The following IRAG2 variants were observed in gnomAD, a reference collection of about 807,000 sequenced individuals.
The protein encoded by IRAG2 is lymphoid restricted membrane protein.
Under a neutral mutation model 69.9 loss-of-function variants are expected in IRAG2, and 45 were observed. That is an observed-to-expected ratio of 0.64 (90% CI 0.51 to 0.83). The LOEUF is 0.83. IRAG2 is among the 40% of genes least tolerant of loss of function. IRAG2 has a pLI of 0.00. For synonymous variants in IRAG2, 193 were observed against 202.4 expected (o/e 0.95, Z 0.40); for missense variants, 520 against 587.0 (o/e 0.89, Z 1.18).
chr12:25,033,673 C>T (rs971278055), intron 12 of IRAG2: 12 of 381,144 alleles, frequency 3.1e-5, no homozygotes, highest in Non-Finnish European at 5.6e-5. Context: ...CCAGTCTGTG[C>T]AGCTCCTGGA....
upstream of IRAG2, chr12:25,004,217 A>C (rs1021970049): frequency 3.1e-6 from 2 of 646,008 alleles, no homozygotes; most frequent in Non-Finnish European, 4.4e-6. Flanking sequence ...GATCCCGCCA[A>C]AGTTGATTTG....
At chr12:25,012,688 C>T (rs1965345) in intron 3 of IRAG2, among the ~76,000 whole-genome samples, 31,955 of 151,898 alleles carry the variant, frequency 0.21, 3,893 homozygotes, top group South Asian at 0.41. Context: ...ATTAGCTGGG[C>T]GTGGTGGTTC....
upstream of IRAG2, among the ~76,000 whole-genome samples, chr12:25,047,903 A>C (rs1944810547): frequency 6.6e-6 from 1 of 152,156 alleles, no homozygotes; most frequent in African/African-American, 2.4e-5. Flanking sequence ...GCTATTATGA[A>C]TAGTGCTGCA....
chr12:25,079,340 T>G, intron 7 of IRAG2, 50 bp downstream of exon 7: 1 of 1,610,662 alleles, frequency 6.2e-7, no homozygotes. Flanking sequence ...ATTTAGTTGG[T>G]TTTAAGAGAA....
intron 15 of IRAG2, among the ~76,000 whole-genome samples, chr12:25,098,261 C>A (rs557044677): frequency 6.6e-6 from 1 of 152,194 alleles, no homozygotes; most frequent in Admixed American, 6.5e-5. Context: ...AAACCTCAAG[C>A]GGGTCCTTGG....
chr12:25,059,312 A>G (rs1945456150), intron 1 of IRAG2, among the ~76,000 whole-genome samples: 1 of 152,178 alleles, frequency 6.6e-6, no homozygotes, highest in African/African-American at 2.4e-5. Flanking sequence ...AAGTATTAAT[A>G]AGAAATAAAT....
At chr12:25,018,047 T>A (rs982009436) in intron 6 of IRAG2, among the ~76,000 whole-genome samples, 29 of 152,214 alleles carry the variant, frequency 1.9e-4, no homozygotes, top group African/African-American at 6.3e-4. Context: ...CTGAATAATA[T>A]TCAGTTGCAT....
chr12:25,040,020 A>C (rs1348302804), intron 16 of IRAG2, among the ~76,000 whole-genome samples: 1 of 152,148 alleles, frequency 6.6e-6, no homozygotes, highest in Non-Finnish European at 1.5e-5. Context: ...TGTCCTTTCG[A>C]TGGTTGATCT....
chr12:25,078,363 A>C (rs1375614907), intron 6 of IRAG2, among the ~76,000 whole-genome samples: 1 of 152,236 alleles, frequency 6.6e-6, no homozygotes, highest in East Asian at 1.9e-4. Flanking sequence ...ACTGTGTTTG[A>C]TATACAATAT....
chr12:25,040,239 C>T (rs537230729), intron 16 of IRAG2, among the ~76,000 whole-genome samples: 18 of 152,242 alleles, frequency 1.2e-4, no homozygotes, highest in African/African-American at 3.1e-4. Flanking sequence ...CTGGGTGCCC[C>T]GGCTCATGCC....
chr12:25,062,798 C>G (rs1431035818), intron 2 of IRAG2, 22 bp from the exon 3 acceptor site: 8 of 398,836 alleles, frequency 2.0e-5, no homozygotes, highest in Non-Finnish European at 3.5e-5. Flanking sequence ...TTTGAATACA[C>G]TCTACCATTT....
intron 5 of IRAG2, among the ~76,000 whole-genome samples, chr12:25,016,082 G>C (rs2139828148): frequency 6.6e-6 from 1 of 152,188 alleles, no homozygotes; most frequent in South Asian, 2.1e-4. Context: ...CATAATCCCA[G>C]CTACTTGGGA....
At position 25,061,600 on chromosome 12, in the gene IRAG2, G is replaced by A. The variant is rs902784491; in HGVS notation, c.-438G>A. 5.0e-6 allele frequency: 2 copies of A among 398,536 alleles called. No individual in the cohort carries two copies. The highest frequency in any genetic ancestry group is 3.6e-5 in the East Asian group (1 of 28,064). The allele number at this position is 398,536 out of a possible 1,614,324, so 24.7% of individuals were successfully genotyped here. ...ATAAATTCTCTTTGTAGCAACAATT[G>A]AGTCACTTCAAAAGGAGTTCATTGA... On this transcript the variant is annotated 5_prime_UTR_variant, in exon 2 of 22. Coordinates refer to ENST00000556887, the MANE Select transcript of IRAG2 (RefSeq NM_001366544.2).
intron 10 of IRAG2, among the ~76,000 whole-genome samples, chr12:25,084,904 T>C (rs1947468142): frequency 6.6e-6 from 1 of 152,224 alleles, no homozygotes; most frequent in African/African-American, 2.4e-5. Context: ...ACGGGAGAGT[T>C]CCCTGATTCC....
intron 2 of IRAG2, among the ~76,000 whole-genome samples, chr12:25,010,141 C>T (rs568904813): frequency 7.2e-5 from 11 of 152,280 alleles, no homozygotes; most frequent in African/African-American, 1.9e-4. Flanking sequence ...ATGATTATTG[C>T]TGGCTTTCCA....
At chr12:25,107,787 T>G (rs770898219) in intron 21 of IRAG2, 30 bp from the exon 22 acceptor site, 7 of 1,595,744 alleles carry the variant, frequency 4.4e-6, no homozygotes, top group Non-Finnish European at 6.0e-6. Context: ...AATTACCGAT[T>G]ACCAAATTCT....
intron 1 of IRAG2, among the ~76,000 whole-genome samples, chr12:25,059,121 AT>A (rs1287376038): frequency 6.6e-6 from 1 of 152,178 alleles, no homozygotes; most frequent in Non-Finnish European, 1.5e-5. Context: ...TTCATTGGCA[AT>A]TGTAAGATAG....
intron 2 of IRAG2, among the ~76,000 whole-genome samples, chr12:25,010,805 T>C (rs1222878772): frequency 6.6e-6 from 1 of 152,166 alleles, no homozygotes; most frequent in Non-Finnish European, 1.5e-5. Flanking sequence ...AAGTCTTATG[T>C]TTAAAAAAGA....
At chr12:25,071,792 A>ATT (rs5797117) in intron 6 of IRAG2, among the ~76,000 whole-genome samples, 78 of 144,380 alleles carry the variant, frequency 5.4e-4, no homozygotes, top group East Asian at 1.8e-3. Flanking sequence ...CCTTGAAAGT[A>ATT]TTTTTTTTTT....
Sources: gnomAD v4.1 joint callset for allele counts (sites outside exome capture counted in the v4.1 genomes callset) on GRCh38, gnomAD v4.1.1 for gene constraint, MANE v1.5 for transcripts, NCBI Gene and HGNC (gene_info 2026-07-23, HGNC 2026-07-21) for gene names.